Variants in UBXN8 observed in about 807,000 individuals in gnomAD.
UBXN8 encodes UBX domain protein 8, also known as UBX domain-containing protein 8.
A neutral mutation model predicts 32.1 loss-of-function variants in UBXN8; 27 were observed. The ratio of observed to expected loss-of-function variants is 0.84; its 90% CI spans 0.62 to 1.16. The LOEUF (loss-of-function observed/expected upper bound fraction) is 1.16. UBXN8 is among the 50% of genes most tolerant of loss of function. The pLI is 0.00. For missense variants in UBXN8, 306 were observed against 311.4 expected (o/e 0.98, Z 0.13); for synonymous variants, 109 against 111.8 (o/e 0.98, Z 0.16).
At chr8:30,762,974 A>G (rs530165427) in intron 6 of UBXN8, among the ~76,000 whole-genome samples, 46 of 151,780 alleles carry the variant, frequency 3.0e-4, no homozygotes, top group Non-Finnish European at 5.1e-4. Flanking sequence ...GGCTCAGGCT[A>G]TTCTCCCACT....
At chr8:30,751,182 A>G (rs1446214481) in intron 1 of UBXN8, among the ~76,000 whole-genome samples, 1 of 152,196 alleles carries the variant, frequency 6.6e-6, no homozygotes. Context: ...CAGTACAAAT[A>G]ATCTTCTAAT....
chr8:30,752,753 T>C (rs936681219), intron 2 of UBXN8, among the ~76,000 whole-genome samples: 1 of 152,216 alleles, frequency 6.6e-6, no homozygotes, highest in African/African-American at 2.4e-5. Context: ...CATTAGTGAA[T>C]TTGGTACATT....
chr8:30,749,663 T>C (rs1380245709), intron 1 of UBXN8, among the ~76,000 whole-genome samples: 5 of 151,148 alleles, frequency 3.3e-5, no homozygotes, highest in African/African-American at 1.2e-4. Flanking sequence ...TGGAGTGCCA[T>C]GGCACGATCT....
chr8:30,735,546 C>A (rs1485591209), intron 1 of UBXN8, among the ~76,000 whole-genome samples: 5 of 151,822 alleles, frequency 3.3e-5, no homozygotes, highest in Non-Finnish European at 5.9e-5. Context: ...GAGTGTGTCT[C>A]AAAAAAACAA....
chr8:30,731,741 C>T (rs1804962547), upstream of UBXN8, among the ~76,000 whole-genome samples: 1 of 152,156 alleles, frequency 6.6e-6, no homozygotes, highest in South Asian at 2.1e-4. Flanking sequence ...AAGCCCGGGG[C>T]CCAGCCGGTT....
Position 30,763,299 on chromosome 8 carries a change from C to T in UBXN8, c.597C>T (p.Pro199=). The T allele has an allele frequency of 6.2e-7, 1 of 1,613,826 alleles. No homozygotes were observed. Among genetic ancestry groups the T allele is most frequent in the Non-Finnish European group, 8.5e-7 (1 of 1,179,722 alleles). ...TAGTTACTGTTGCTCTCCGATGTCC[C>T]AGTGGGAATGTCCTGAGGAGAAGGT... is the stretch of plus-strand genomic sequence containing the variant. ...EEVVTVALRC[P]SGNVLRRRFL... The change falls in exon 7 of 8, where the codon CCC becomes CCT. Residue 199 remains proline (P), a synonymous_variant. Coordinates refer to ENST00000265616, the MANE Select transcript of UBXN8 (RefSeq NM_005671.4).
chr8:30,747,268 C>T (rs1285352421), intron 1 of UBXN8, among the ~76,000 whole-genome samples: 2 of 137,598 alleles, frequency 1.5e-5, no homozygotes, highest in Admixed American at 7.3e-5. Flanking sequence ...TTAGAACGAA[C>T]AGCAGTAGTA....
chr8:30,760,443 A>ATATTTTTTTT lies in UBXN8; in HGVS notation c.529-444_529-443insATTTTTTTTT, dbSNP rs1196366158. On this transcript the variant is annotated intron_variant, in intron 5 of 7. Transcript: ENST00000265616. The stretch of plus-strand genomic sequence containing the variant: ...ATCATATATATATATATATATATAT[A>ATATTTTTTTT]TTTTTTTTTTTTTTTAAAGTGACAG... Among the ~76,000 whole-genome samples, 163 of 91,080 alleles carry ATATTTTTTTT rather than the reference A, an allele frequency of 1.8e-3. 1 individual carries two copies. The highest frequency in any genetic ancestry group is 5.5e-3 in the African/African-American group (107 of 19,540). 59.8% of individuals were successfully genotyped at this position (91,080 alleles called of 152,430 possible).
chr8:30,747,364 G>A (rs1586093830), intron 1 of UBXN8, among the ~76,000 whole-genome samples: 2 of 109,990 alleles, frequency 1.8e-5, no homozygotes, highest in South Asian at 8.4e-4. Flanking sequence ...ACGCAGGAGT[G>A]CAGTGGCACA....
intron 5 of UBXN8, among the ~76,000 whole-genome samples, chr8:30,757,157 TAA>T (rs1321145386): frequency 6.4e-5 from 8 of 124,692 alleles, no homozygotes; most frequent in Admixed American, 1.6e-4. Flanking sequence ...CATCTCTATT[TAA>T]AAAAAAAAAA....
chr8:30,765,002 A>G (rs545859548), intron 7 of UBXN8, among the ~76,000 whole-genome samples: 1 of 152,358 alleles, frequency 6.6e-6, no homozygotes, highest in Non-Finnish European at 1.5e-5. Context: ...GTGAGCCAAG[A>G]TCGTGCCACT....
At chr8:30,738,851 G>A (rs1805126154) in intron 1 of UBXN8, among the ~76,000 whole-genome samples, 1 of 150,894 alleles carries the variant, frequency 6.6e-6, no homozygotes, top group Admixed American at 6.7e-5. Context: ...AGCTACACGG[G>A]AGGCTGAGGC....
upstream of UBXN8, among the ~76,000 whole-genome samples, chr8:30,742,828 A>G (rs1805241854): frequency 6.6e-6 from 1 of 151,924 alleles, no homozygotes; most frequent in Non-Finnish European, 1.5e-5. Flanking sequence ...CCCTGTGTAT[A>G]TCTCTATCAT....
intron 5 of UBXN8, among the ~76,000 whole-genome samples, chr8:30,759,951 C>A (rs986879471): frequency 2.1e-5 from 3 of 142,304 alleles, no homozygotes; most frequent in Admixed American, 2.1e-4. Flanking sequence ...AGTGAGACTC[C>A]GTCTCAGAAA....
chr8:30,743,732 G>GCCAGGAA (rs765144484), upstream of UBXN8, among the ~76,000 whole-genome samples: 3 of 152,336 alleles, frequency 2.0e-5, no homozygotes, highest in Middle Eastern at 3.4e-3. Context: ...TGCGGACGGG[G>GCCAGGAA]CCAGGAACCA....
upstream of UBXN8, among the ~76,000 whole-genome samples, chr8:30,741,454 CTTTTTTTTTT>C (rs565066061): frequency 1.5e-4 from 18 of 116,716 alleles, no homozygotes; most frequent in African/African-American, 3.5e-4. Context: ...AAGCAATGTT[CTTTTTTTTTT>C]TTTTTTTTTT....
intron 1 of UBXN8, among the ~76,000 whole-genome samples, chr8:30,736,482 TA>T (rs1805072534): frequency 6.6e-6 from 1 of 152,214 alleles, no homozygotes; most frequent in South Asian, 2.1e-4. Flanking sequence ...TTTTACTTTT[TA>T]TTTTTTTGAG....
intron 5 of UBXN8, among the ~76,000 whole-genome samples, chr8:30,758,857 T>A (rs1805732620): frequency 6.6e-6 from 1 of 151,736 alleles, no homozygotes; most frequent in Admixed American, 6.6e-5. Context: ...GGAGATGAAG[T>A]CATTGGTAAC....
chr8:30,758,894 GTTTTTT>G (rs1176699545), intron 5 of UBXN8, among the ~76,000 whole-genome samples: 1,292 of 121,960 alleles, frequency 0.011, 42 homozygotes, highest in African/African-American at 0.035. Flanking sequence ...TGTTTTTTTT[GTTTTTT>G]TTTTTTTTTT....
Sources: gnomAD v4.1 joint callset for allele counts (sites outside exome capture counted in the v4.1 genomes callset) on GRCh38, gnomAD v4.1.1 for gene constraint, MANE v1.5 for transcripts, NCBI Gene and HGNC (gene_info 2026-07-23, HGNC 2026-07-21) for gene names.